The following TOE1 variants were observed in gnomAD, a reference collection of about 807,000 sequenced individuals.
The protein encoded by TOE1 is target of EGR1, exonuclease.
Under a neutral mutation model 49.2 loss-of-function variants are expected in TOE1, and 50 were observed. The observed-to-expected ratio is 1.02, with a 90% CI of 0.81 to 1.29. The LOEUF is 1.29. Ranked by LOEUF, TOE1 falls within the 50% of genes most tolerant of loss-of-function variation. TOE1 has a pLI of 0.00. For synonymous variants in TOE1, 221 were observed against 247.0 expected, an observed-to-expected ratio of 0.89 and a Z score of 0.99; for missense variants, 544 against 654.4, an observed-to-expected ratio of 0.83 and a Z score of 1.84.
chr1:45,342,289 A>C, intron 5 of TOE1, 95 bp from the exon 6 acceptor site: 1 of 1,545,984 alleles, frequency 6.5e-7, no homozygotes, highest in Non-Finnish European at 8.8e-7. Context: ...GTAGAGAGAG[A>C]GCGTTCCAAG....
In TOE1 at chr1:45,340,233, G is replaced by A. The variant is rs753502884; in HGVS notation, c.-20G>A. On this transcript the variant is annotated 5_prime_UTR_variant, in exon 1 of 8. Transcript: ENST00000372090. ...GTCCAGCGTACCCACAGACGACTCAGGCGGGAGACGAGCGGTGTCATGGCC... is the reference window on the plus strand; with the variant it reads ...GTCCAGCGTACCCACAGACGACTCAAGCGGGAGACGAGCGGTGTCATGGCC... 2.5e-6 allele frequency: 4 copies of A among 1,613,852 alleles called. No homozygotes were observed. Among genetic ancestry groups the A allele is most frequent in the East Asian group, 2.2e-5 (1 of 44,892 alleles).
intron 1 of TOE1, chr1:45,340,686 C>T: frequency 1.1e-6 from 1 of 891,510 alleles, no homozygotes; most frequent in Non-Finnish European, 1.5e-6. Context: ...GGCGCTGGGG[C>T]ACCATGAGAA....
intron 1 of TOE1, chr1:45,340,552 A>T: frequency 7.2e-7 from 1 of 1,385,406 alleles, no homozygotes; most frequent in Non-Finnish European, 9.3e-7. Context: ...GGTTAGTAGT[A>T]ATAGTTGTGA....
In TOE1 at chr1:45,343,309, C is replaced by T. The variant is rs561466500; in HGVS notation, c.1140C>T (p.Thr380=). Residue 380 remains threonine, a synonymous_variant, in exon 8 of 8, where the codon ACC becomes ACT. Transcript: ENST00000372090. This position sits in a 1 kb window ranked among gnomAD's most constrained non-coding sequence, Gnocchi z 4.3. ...VCGDSIKPEE[T]EQEVAADETR... ...GGGATAGCATCAAGCCTGAAGAAAC[C>T]GAGCAGGAGGTGGCTGCCGATGAAA... 14 of 1,613,960 alleles carry T rather than the reference C, an allele frequency of 8.7e-6. No individual in the cohort carries two copies. In the East Asian group the frequency reaches 1.3e-4, roughly 15 times the overall value.
Position 45,343,849 on chromosome 1 carries a change from C to T in TOE1, c.*147C>T. The T allele has an allele frequency of 1.1e-6, 1 of 920,488 alleles. No individual in the cohort carries two copies. Among genetic ancestry groups the T allele is most frequent in the Non-Finnish European group, 1.6e-6 (1 of 615,238 alleles). 57.0% of individuals were successfully genotyped at this position (920,488 alleles called of 1,614,324 possible). On this transcript the variant is annotated 3_prime_UTR_variant, in exon 8 of 8. Coordinates refer to ENST00000372090, the MANE Select transcript of TOE1 (RefSeq NM_025077.4). This position sits in a 1 kb window ranked among gnomAD's most constrained non-coding sequence, Gnocchi z 4.3. ...TTGCCCTGGACCGCCTCCTTTATCCCAGTGTTTGAGGTACAAGTAAGAAGG... is the reference window on the plus strand; with the variant it reads ...TTGCCCTGGACCGCCTCCTTTATCCTAGTGTTTGAGGTACAAGTAAGAAGG...
At chr1:45,340,462 C>T in intron 1 of TOE1, 158 bp downstream of exon 1, 1 of 1,476,152 alleles carries the variant, frequency 6.8e-7, no homozygotes, top group Non-Finnish European at 9.0e-7. Context: ...TACACCGCGG[C>T]TCCGGCTGCA....
chr1:45,340,984 C>CTT, intron 1 of TOE1, 89 bp from the exon 2 acceptor site: 1 of 1,578,090 alleles, frequency 6.3e-7, no homozygotes, highest in Non-Finnish European at 8.7e-7. Context: ...AACTACCCCC[C>CTT]TTACCACCAT....
At position 45,341,297 on chromosome 1, in the gene TOE1, C is replaced by T; in HGVS notation, c.196-6C>T. ...CTGTCACAACTCTCCCTTTACCTAC[C>T]CACAGGAGCTGAGTGGGCTTGGGGA... On this transcript the variant is annotated splice_polypyrimidine_tract_variant and splice_region_variant and intron_variant, in intron 2 of 7. Coordinates refer to ENST00000372090, the MANE Select transcript of TOE1 (RefSeq NM_025077.4). 6.2e-7 allele frequency: 1 copy of T among 1,614,138 alleles called. No individual in the cohort carries two copies. The highest frequency in any genetic ancestry group is 8.5e-7 in the Non-Finnish European group (1 of 1,180,014).
Position 45,341,543 on chromosome 1 carries a change from G to C in TOE1, c.307G>C (p.Ala103Pro). The change falls in exon 4 of 8, where the codon GCC becomes CCC. Residue 103 changes from alanine to proline, a missense_variant. Transcript: ENST00000372090. ...RTRSILSLGL[A>P]CFKRQPDKGE... Reference sequence around the variant, plus strand: ...CCGTTCTATCCTTTCCCTGGGCCTCGCCTGCTTCAAGCGGCAGCCAGACAA... The same window carrying C: ...CCGTTCTATCCTTTCCCTGGGCCTCCCCTGCTTCAAGCGGCAGCCAGACAA... 6.2e-7 allele frequency: 1 copy of C among 1,613,758 alleles called. No individual in the cohort carries two copies. The highest frequency in any genetic ancestry group is 8.5e-7 in the Non-Finnish European group (1 of 1,179,894).
chr1:45,340,192 A>G lies in TOE1; in HGVS notation c.-61A>G, dbSNP rs756764712. ...CATCCCCGACTGCCTGAACCGCGCC[A>G]GGAGACGGACCGCAAGTCCAGCGTA... is the stretch of plus-strand genomic sequence containing the variant. On this transcript the variant is annotated 5_prime_UTR_variant, in exon 1 of 8. Transcript: ENST00000372090. The G allele has an allele frequency of 1.2e-6, 2 of 1,613,314 alleles. No homozygotes were observed. Among genetic ancestry groups the G allele is most frequent in the East Asian group, 2.2e-5 (1 of 44,868 alleles).
In TOE1 at chr1:45,343,002, G is replaced by A. The variant is rs183476477; in HGVS notation, c.912G>A (p.Ser304=). 31 of 1,613,684 alleles carry A rather than the reference G, an allele frequency of 1.9e-5. No individual in the cohort carries two copies. The highest frequency in any genetic ancestry group is 4.5e-5 in the East Asian group (2 of 44,866). The change falls in exon 7 of 8, where the codon TCG becomes TCA. Residue 304 remains serine, a splice_region_variant and synonymous_variant. Transcript: ENST00000372090. The surrounding 1 kb of genome is among the most constrained non-coding windows in gnomAD (Gnocchi z 4.3). ...PHPTSICDNF[S]AYGWCPLGPQ... is the part of the protein sequence containing the mutation. The stretch of plus-strand genomic sequence containing the variant: ...CCACCAGCATCTGTGACAACTTCTC[G>A]GTGAGAGCACCCACCTGTTTCTTGG...
chr1:45,342,984 C>G lies in TOE1; in HGVS notation c.894C>G (p.Ser298Arg), dbSNP rs771756988. The G allele has an allele frequency of 6.2e-7, 1 of 1,613,814 alleles. No homozygotes were observed. Among genetic ancestry groups the G allele is most frequent in the South Asian group, 1.1e-5 (1 of 91,048 alleles). The change falls in exon 7 of 8, where the codon AGC becomes AGG. Residue 298 changes from serine (S) to arginine (R), a missense_variant. Transcript: ENST00000372090. ...CAACCCACCGTCCTCATCCCACCAG[C>G]ATCTGTGACAACTTCTCGGTGAGAG... The part of the protein sequence containing the change: ...PPATHRPHPT[S>R]ICDNFSAYGW...
At chr1:45,341,373 C>T in intron 3 of TOE1, 30 bp downstream of exon 3, 2 of 1,614,122 alleles carry the variant, frequency 1.2e-6, no homozygotes, top group Non-Finnish European at 1.7e-6. Context: ...TCTTTAGTGC[C>T]AGCCCTCAAC....
At position 45,340,500 on chromosome 1, in the gene TOE1, C is replaced by G. The variant is rs1472934426; in HGVS notation, c.52+196C>G. Reference sequence around the variant, plus strand: ...AGCCTGGAGCGTTGGGAGCATGGGGCTGATGGAGGCATGGCGGGAGATGTA... The same window carrying G: ...AGCCTGGAGCGTTGGGAGCATGGGGGTGATGGAGGCATGGCGGGAGATGTA... On this transcript the variant is annotated intron_variant, in intron 1 of 7. Transcript: ENST00000372090. 3 of 1,440,492 alleles carry G rather than the reference C, an allele frequency of 2.1e-6. No individual in the cohort carries two copies. The East Asian group carries it at 7.6e-5, about 36-fold the overall frequency. 89.2% of individuals were successfully genotyped at this position (1,440,492 alleles called of 1,614,324 possible). A position where few individuals can be genotyped will look rare whatever the true frequency, so the allele number is the denominator to read the frequency against.
rs886583338 is a variant in TOE1 at position 45,340,487 on chromosome 1, T to C, written c.52+183T>C. The C allele has an allele frequency of 4.8e-6, 7 of 1,455,052 alleles. No individual in the cohort carries two copies. In the African/African-American group the frequency reaches 9.9e-5, roughly 21 times the overall value. 90.1% of individuals were successfully genotyped at this position (1,455,052 alleles called of 1,614,324 possible). A position where few individuals can be genotyped will look rare whatever the true frequency, so the allele number is the denominator to read the frequency against. On this transcript the variant is annotated intron_variant, in intron 1 of 7. Transcript: ENST00000372090. The stretch of plus-strand genomic sequence containing the variant: ...CTCCGGCTGCAAAAGCCTGGAGCGT[T>C]GGGAGCATGGGGCTGATGGAGGCAT...
rs770625680 is a variant in TOE1 at position 45,341,320 on chromosome 1, G to A, written c.213G>A (p.Gly71=). ...VAVDTELSGL[G]DRKSLLNQCI... The stretch of plus-strand genomic sequence containing the variant: ...ACCCACAGGAGCTGAGTGGGCTTGG[G>A]GACAGGAAGAGTTTGCTGAACCAGT... Residue 71 remains glycine (G), a synonymous_variant, in exon 3 of 8, where the codon GGG becomes GGA. Transcript: ENST00000372090. 1 of 1,614,118 alleles carries A rather than the reference G, an allele frequency of 6.2e-7. No homozygotes were observed. The highest frequency in any genetic ancestry group is 8.5e-7 in the Non-Finnish European group (1 of 1,180,038).
chr1:45,342,182 C>T (rs931296669), intron 5 of TOE1, 75 bp downstream of exon 5: 23 of 1,570,476 alleles, frequency 1.5e-5, no homozygotes, highest in Non-Finnish European at 1.8e-5. Flanking sequence ...GGCTGGATGT[C>T]TGGGGAGAAT....
Position 45,343,285 on chromosome 1 carries a change from G to A in TOE1, c.1116G>A (p.Gly372=), listed in dbSNP as rs766124786. ...GTCCTCCCAAGAAGCAGGTCTGTGG[G>A]GATAGCATCAAGCCTGAAGAAACCG... ...KDGPPKKQVC[G]DSIKPEETEQ... Residue 372 remains glycine (G), a synonymous_variant, in exon 8 of 8, where the codon GGG becomes GGA. Transcript: ENST00000372090. This position sits in a 1 kb window ranked among gnomAD's most constrained non-coding sequence, Gnocchi z 4.3. 1 of 1,614,068 alleles carries A rather than the reference G, an allele frequency of 6.2e-7. No homozygotes were observed. Among genetic ancestry groups the A allele is most frequent in the Non-Finnish European group, 8.5e-7 (1 of 1,180,034 alleles).
rs142095096 is a variant in TOE1, at chr1:45,341,611, G to A, written c.333+42G>A. On this transcript the variant is annotated intron_variant, in intron 4 of 7. Transcript: ENST00000372090. ...CCCCAATCCTAGGTGTGGCTGTGGG[G>A]TGGAGGGTAGAGAGATTCTAGGGAA... is the stretch of plus-strand genomic sequence containing the variant. 7.0e-4 allele frequency: 1,095 copies of A among 1,567,620 alleles called. 3 individuals are homozygous for A. Among genetic ancestry groups the A allele is most frequent in the South Asian group, 1.9e-3 (165 of 88,600 alleles).
Sources: allele counts gnomAD v4.1 joint callset, GRCh38; gene constraint gnomAD v4.1.1; non-coding constraint Gnocchi (gnomAD v3.1); transcripts MANE v1.5; gene names NCBI Gene and HGNC (gene_info 2026-07-23, HGNC 2026-07-21).